ZNF836: variants seen among roughly 807,000 people sequenced by gnomAD.
The protein encoded by ZNF836 is zinc finger protein 836.
In ZNF836, 12 loss-of-function variants were observed where a neutral mutation model predicts 7.4. That is an observed-to-expected ratio of 1.61 (90% CI 1.03 to 2.61). The LOEUF is 2.61. ZNF836 is among the 30% of genes most tolerant of loss of function. The probability of loss-of-function intolerance (pLI) is 0.00; values close to 1 mark genes in which losing one functional copy is unlikely to be tolerated. For synonymous variants in ZNF836, 365 were observed against 382.6 expected (o/e 0.95, Z 0.54); for missense variants, 998 against 1,126.2 (o/e 0.89, Z 1.63).
chr19:52,164,949 G>A (rs4802897), intron 3 of ZNF836, among the ~76,000 whole-genome samples: 106,681 of 151,894 alleles, frequency 0.7, 38,508 homozygotes, highest in Non-Finnish European at 0.79. Context: ...AATTAGCTGG[G>A]TATGGTGGTG....
chr19:52,155,874 A>G lies in ZNF836; in HGVS notation c.1809T>C (p.Ile603=). 1 of 1,614,016 alleles carries G rather than the reference A, an allele frequency of 6.2e-7. No homozygotes were observed. Among genetic ancestry groups the G allele is most frequent in the Admixed American group, 1.7e-5 (1 of 60,016 alleles). ...ATTTGTAAGGTTTCTGCCCAGTATG[A>G]ATTCTTAGATGACGTGCTAGGCATG... ...NYSCLARHLR[I]HTGQKPYKCN... Residue 603 remains isoleucine (I), a synonymous_variant, in exon 5 of 5, where the codon ATT becomes ATC. Transcript: ENST00000682614.
chr19:52,163,850 T>C (rs1394464811), intron 3 of ZNF836, among the ~76,000 whole-genome samples: 1 of 152,092 alleles, frequency 6.6e-6, no homozygotes, highest in Non-Finnish European at 1.5e-5. Flanking sequence ...GGGGAGCTTC[T>C]GAGTAGAAAC....
In ZNF836 at chr19:52,156,687, A is replaced by G; in HGVS notation, c.996T>C (p.Cys332=). Residue 332 remains cysteine (C), a synonymous_variant, in exon 5 of 5, where the codon TGT becomes TGC. Coordinates refer to ENST00000682614, the MANE Select transcript of ZNF836 (RefSeq NM_001102657.3). The part of the protein sequence containing the change: ...RIHTGEKPYK[C]NECGKTFKQG... ...GTTTGAAGGTTTTCCCACACTCATTACATTTGTAAGGTTTCTCTCCAGTGT... is the reference window on the plus strand; with the variant it reads ...GTTTGAAGGTTTTCCCACACTCATTGCATTTGTAAGGTTTCTCTCCAGTGT... 1 of 1,613,966 alleles carries G rather than the reference A, an allele frequency of 6.2e-7. No homozygotes were observed. Among genetic ancestry groups the G allele is most frequent in the South Asian group, 1.1e-5 (1 of 91,070 alleles).
rs184979758 is a variant in ZNF836, at chr19:52,166,207, G to C, written c.15+1851C>G. ...GGGTTTCACTATGTTGGCCAGGCTGGTCTCTAACTCCTGACCTGGTGATCC... is the reference window on the plus strand; with the variant it reads ...GGGTTTCACTATGTTGGCCAGGCTGCTCTCTAACTCCTGACCTGGTGATCC... On this transcript the variant is annotated intron_variant, in intron 3 of 4. Coordinates refer to ENST00000682614, the MANE Select transcript of ZNF836 (RefSeq NM_001102657.3). 2.0e-5 allele frequency among the ~76,000 whole-genome samples: 3 copies of C among 152,158 alleles called. No individual in the cohort carries two copies. In the East Asian group the frequency reaches 5.8e-4, roughly 30 times the overall value.
At chr19:52,158,854 T>C (rs2089189382) in intron 4 of ZNF836, among the ~76,000 whole-genome samples, 1 of 152,178 alleles carries the variant, frequency 6.6e-6, no homozygotes, top group African/African-American at 2.4e-5. Context: ...CCAAAACTCG[T>C]ATGTTGGGGT....
chr19:52,154,876 T>A lies in ZNF836; in HGVS notation c.2807A>T (p.Lys936Ile). The A allele has an allele frequency of 3.3e-6, 5 of 1,513,938 alleles. No individual in the cohort carries two copies. Among genetic ancestry groups the A allele is most frequent in the Non-Finnish European group, 4.4e-6 (5 of 1,133,722 alleles). 93.8% of individuals were successfully genotyped at this position (1,513,938 alleles called of 1,614,324 possible). ...PLDVLLTSGF[K>I] ...AGCTATATCAATAAGTATGAATTAT[T>A]TGAACCCAGAAGTTAGGAGAACATC... Residue 936 changes from lysine (K) to isoleucine (I), a missense_variant, in exon 5 of 5, where the codon AAA becomes ATA. Physicochemically the swap from Lys to Ile is moderately radical, Grantham distance 102. Transcript: ENST00000682614.
At chr19:52,164,797 A>G (rs546596986) in intron 3 of ZNF836, among the ~76,000 whole-genome samples, 2 of 152,334 alleles carry the variant, frequency 1.3e-5, no homozygotes, top group South Asian at 4.1e-4. Flanking sequence ...AAGGCATAAT[A>G]TAATCAAAGG....
chr19:52,169,161 G>A (rs1376059808), intron 2 of ZNF836, among the ~76,000 whole-genome samples: 1 of 152,178 alleles, frequency 6.6e-6, no homozygotes, highest in Admixed American at 6.5e-5. Flanking sequence ...AATGACGTCA[G>A]CTGATTATAG....
chr19:52,159,884 AAGAG>A (rs2089197770), intron 4 of ZNF836, among the ~76,000 whole-genome samples: 1 of 152,114 alleles, frequency 6.6e-6, no homozygotes, highest in Non-Finnish European at 1.5e-5. Context: ...TTTGGAAGAA[AAGAG>A]AGATACTAAT....
Position 52,168,055 on chromosome 19 carries a change from T to C in ZNF836, c.15+3A>G, listed in dbSNP as rs1427414614. 1.2e-6 allele frequency: 2 copies of C among 1,603,412 alleles called. No individual in the cohort carries two copies. The highest frequency in any genetic ancestry group is 3.3e-5 in the Admixed American group (2 of 59,840). On this transcript the variant is annotated splice_donor_region_variant and intron_variant, in intron 3 of 4. Coordinates refer to ENST00000682614, the MANE Select transcript of ZNF836 (RefSeq NM_001102657.3). ...GAATGATCCACTAAGAATATCATTT[T>C]ACCTGTGTAAGAGCCATCCCTGACT...
rs769742531 is a variant in ZNF836, at chr19:52,156,931, C to T, written c.752G>A (p.Cys251Tyr). The T allele has an allele frequency of 1.9e-6, 3 of 1,614,168 alleles. No individual in the cohort carries two copies. The highest frequency in any genetic ancestry group is 1.1e-5 in the South Asian group (1 of 91,084). ...TTEKPYKCNE[C>Y]GKAFHRGSLL... ...TGAGCCCCGATGAAAGGCTTTGCCA[C>T]ATTCATTGCATTTGTAAGGTTTCTC... Residue 251 changes from cysteine (C) to tyrosine (Y), a missense_variant, in exon 5 of 5, where the codon TGT becomes TAT. Physicochemically the swap from Cys to Tyr is radical, Grantham distance 194 (BLOSUM62 -2). Transcript: ENST00000682614.
intron 3 of ZNF836, among the ~76,000 whole-genome samples, chr19:52,166,408 T>C (rs1211983605): frequency 6.6e-6 from 1 of 152,140 alleles, no homozygotes; most frequent in Non-Finnish European, 1.5e-5. Flanking sequence ...TACAACATGA[T>C]ATTACAGTAT....
At chr19:52,165,875 A>T (rs2089258240) in intron 3 of ZNF836, among the ~76,000 whole-genome samples, 3 of 152,248 alleles carry the variant, frequency 2.0e-5, no homozygotes, top group Admixed American at 2.0e-4. Context: ...AATTTGTAGA[A>T]ATCAAAATAA....
Position 52,168,123 on chromosome 19 carries a change from T to A in ZNF836, c.-51A>T. 1 of 1,597,208 alleles carries A rather than the reference T, an allele frequency of 6.3e-7. No individual in the cohort carries two copies. The highest frequency in any genetic ancestry group is 8.5e-7 in the Non-Finnish European group (1 of 1,174,908). ...TTCCTCTTCTGGGCTTCTCTCTCAG[T>A]CAATATAATTAATTCTTTACAAGTC... On this transcript the variant is annotated 5_prime_UTR_variant, in exon 3 of 5. Coordinates refer to ENST00000682614, the MANE Select transcript of ZNF836 (RefSeq NM_001102657.3).
In ZNF836 at chr19:52,156,078, A is replaced by G. The variant is rs2089155150; in HGVS notation, c.1605T>C (p.Phe535=). 1.2e-6 allele frequency: 2 copies of G among 1,613,934 alleles called. No individual in the cohort carries two copies. Among genetic ancestry groups the G allele is most frequent in the African/African-American group, 2.7e-5 (2 of 74,936 alleles). Reference sequence around the variant, plus strand: ...GTCTTACAAGGCATGAATTTTCACTAAAGACCTTTCCACATTCACCGCATT... The same window carrying G: ...GTCTTACAAGGCATGAATTTTCACTGAAGACCTTTCCACATTCACCGCATT... ...RYQCGECGKV[F]SENSCLVRHL... The change falls in exon 5 of 5, where the codon TTT becomes TTC. Residue 535 remains phenylalanine (F), a synonymous_variant. Coordinates refer to ENST00000682614, the MANE Select transcript of ZNF836 (RefSeq NM_001102657.3).
At chr19:52,163,853 G>A (rs1165109914) in intron 3 of ZNF836, among the ~76,000 whole-genome samples, 2 of 152,120 alleles carry the variant, frequency 1.3e-5, no homozygotes, top group African/African-American at 2.4e-5. Flanking sequence ...GAGCTTCTGA[G>A]TAGAAACCAG....
intron 4 of ZNF836, among the ~76,000 whole-genome samples, chr19:52,159,592 T>C (rs932258264): frequency 3.9e-5 from 6 of 152,220 alleles, no homozygotes; most frequent in Non-Finnish European, 8.8e-5. Context: ...CATCATCCCC[T>C]GCACATATTG....
rs771264083 is a variant in ZNF836, at chr19:52,155,483, T to C, written c.2200A>G (p.Ile734Val). The change falls in exon 5 of 5, where the codon ATA (isoleucine) becomes GTA (valine). Residue 734 changes from isoleucine to valine, a missense_variant. By Grantham distance (29) the Ile-to-Val change is conservative (BLOSUM62 3). Transcript: ENST00000682614. Reference protein sequence around the residue: ...CSHCGRTFSHITGLTYHQRRH... With the variant: ...CSHCGRTFSHVTGLTYHQRRH... Reference sequence around the variant, plus strand: ...CTCTGATGGTACGTCAGGCCTGTTATATGACTAAAAGTTCTACCACAATGG... The same window carrying C: ...CTCTGATGGTACGTCAGGCCTGTTACATGACTAAAAGTTCTACCACAATGG... 6 of 1,614,046 alleles carry C rather than the reference T, an allele frequency of 3.7e-6. No homozygotes were observed. In the East Asian group the frequency reaches 6.7e-5, roughly 18 times the overall value.
rs1029382920 is a variant in ZNF836 at position 52,161,606 on chromosome 19, A to G, written c.16-1015T>C. 6.6e-6 allele frequency among the ~76,000 whole-genome samples: 1 copy of G among 152,042 alleles called. No homozygotes were observed. The highest frequency in any genetic ancestry group is 2.4e-5 in the African/African-American group (1 of 41,394). Reference sequence around the variant, plus strand: ...CTAAAGGCCACGACTCATAACATTTAAAGATTAGGCACTGGGGATTAAGTT... The same window carrying G: ...CTAAAGGCCACGACTCATAACATTTGAAGATTAGGCACTGGGGATTAAGTT... On this transcript the variant is annotated intron_variant, in intron 3 of 4. Coordinates refer to ENST00000682614, the MANE Select transcript of ZNF836 (RefSeq NM_001102657.3). The surrounding 1 kb of genome is among the most constrained non-coding windows in gnomAD (Gnocchi z 4.1).
Sources: allele counts gnomAD v4.1 joint callset (sites outside exome capture counted in the v4.1 genomes callset), GRCh38; gene constraint gnomAD v4.1.1; non-coding constraint Gnocchi (gnomAD v3.1); transcripts MANE v1.5; gene names NCBI Gene and HGNC (gene_info 2026-07-23, HGNC 2026-07-21).